The following RARB variants were observed in gnomAD, a reference collection of about 807,000 sequenced individuals.
RARB encodes retinoic acid receptor beta.
In RARB, 17 loss-of-function variants were observed where a neutral mutation model predicts 51.9. The observed-to-expected ratio is 0.33, with a 90% CI of 0.22 to 0.49. The LOEUF is 0.49. Among genes scored for constraint, RARB ranks in the 20% least tolerant of loss-of-function variants. The probability of loss-of-function intolerance (pLI) is 0.99; values close to 1 mark genes in which losing one functional copy is unlikely to be tolerated. For synonymous variants in RARB, 215 were observed against 195.4 expected, an observed-to-expected ratio of 1.10 and a Z score of -0.84; for missense variants, 369 against 550.8, an observed-to-expected ratio of 0.67 and a Z score of 3.30.
intron 2 of RARB, among the ~76,000 whole-genome samples, chr3:25,024,705 A>C (rs1445147232): frequency 6.6e-6 from 1 of 152,162 alleles, no homozygotes; most frequent in Non-Finnish European, 1.5e-5. Context: ...TAATCCCAGC[A>C]CTTTGGGAGG....
At chr3:24,925,035 T>A (rs917226210) in intron 2 of RARB, among the ~76,000 whole-genome samples, 6 of 152,104 alleles carry the variant, frequency 3.9e-5, no homozygotes, top group Admixed American at 3.3e-4. Flanking sequence ...CAATATTCTT[T>A]GGCACAAATG....
chr3:25,051,635 A>T (rs1030482741), intron 2 of RARB, among the ~76,000 whole-genome samples: 1 of 152,184 alleles, frequency 6.6e-6, no homozygotes, highest in Non-Finnish European at 1.5e-5. Flanking sequence ...ACTATTATTC[A>T]TTAGGAACAG....
chr3:25,283,000 C>T (rs542625069), intron 5 of RARB, among the ~76,000 whole-genome samples: 3 of 152,146 alleles, frequency 2.0e-5, no homozygotes, highest in South Asian at 2.1e-4. Context: ...TGTAAGAACA[C>T]GGAGGAGCGA....
intron 4 of RARB, among the ~76,000 whole-genome samples, chr3:25,158,868 G>A (rs1442088680): frequency 6.6e-6 from 1 of 152,086 alleles, no homozygotes; most frequent in Non-Finnish European, 1.5e-5. Context: ...TCAGAGTTCT[G>A]TATTGAACCC....
chr3:25,050,123 T>G (rs375276794), intron 2 of RARB, among the ~76,000 whole-genome samples: 60 of 152,318 alleles, frequency 3.9e-4, no homozygotes, highest in African/African-American at 1.4e-3. Flanking sequence ...CAAGCTTGTA[T>G]GAATGTGACA....
chr3:24,896,170 G>C (rs1703475598), intron 2 of RARB, among the ~76,000 whole-genome samples: 1 of 152,188 alleles, frequency 6.6e-6, no homozygotes, highest in Admixed American at 6.5e-5. Context: ...AAAATCCTTA[G>C]AGACAAAGTT....
chr3:25,156,249 A>G (rs1700372257), intron 4 of RARB, among the ~76,000 whole-genome samples: 1 of 152,176 alleles, frequency 6.6e-6, no homozygotes, highest in South Asian at 2.1e-4. Flanking sequence ...GACACTGGGG[A>G]CAAGGTAGCT....
Position 25,462,514 on chromosome 3 carries a change from C to T in RARB, c.306+1173C>T, listed in dbSNP as rs546684652. ...TTGTTAACATGTTGGAATAATGTTACAGGTACTCCATGGCATTTTATATTT... is the reference window on the plus strand; with the variant it reads ...TTGTTAACATGTTGGAATAATGTTATAGGTACTCCATGGCATTTTATATTT... On this transcript the variant is annotated intron_variant, in intron 2 of 7. Transcript: ENST00000330688. 2.0e-5 allele frequency: 3 copies of T among 152,356 alleles called. No homozygotes were observed. In the East Asian group the frequency reaches 5.8e-4, roughly 29 times the overall value. The allele number at this position is 152,356 out of a possible 1,614,324, so 9.4% of individuals were successfully genotyped here. A position where few individuals can be genotyped will look rare whatever the true frequency, so the allele number is the denominator to read the frequency against.
chr3:25,147,598 G>C (rs1700215434), intron 4 of RARB, among the ~76,000 whole-genome samples: 1 of 152,202 alleles, frequency 6.6e-6, no homozygotes, highest in South Asian at 2.1e-4. Flanking sequence ...TCTAGGATCA[G>C]GAAGATTTTC....
chr3:25,351,528 T>C (rs1358614948), intron 5 of RARB, among the ~76,000 whole-genome samples: 3 of 152,190 alleles, frequency 2.0e-5, no homozygotes, highest in African/African-American at 7.2e-5. Context: ...CTATTTCTTA[T>C]CATTTATGGA....
intron 2 of RARB, among the ~76,000 whole-genome samples, chr3:24,984,742 T>C (rs1696751001): frequency 7.4e-6 from 1 of 135,534 alleles, no homozygotes; most frequent in South Asian, 2.6e-4. Flanking sequence ...GTATTTTAGA[T>C]GTTATATGCA....
intron 4 of RARB, among the ~76,000 whole-genome samples, chr3:25,171,219 C>A (rs1575193858): frequency 6.6e-6 from 1 of 151,912 alleles, no homozygotes; most frequent in East Asian, 1.9e-4. Context: ...CTCCTGTTTG[C>A]CTTGCCTGAG....
At chr3:24,954,030 C>A (rs1363009334) in intron 2 of RARB, among the ~76,000 whole-genome samples, 1 of 152,020 alleles carries the variant, frequency 6.6e-6, no homozygotes, top group Admixed American at 6.6e-5. Flanking sequence ...TTGTTTCTTC[C>A]TTTCTCTCTT....
chr3:25,429,997 T>C (rs929802330), intron 1 of RARB, among the ~76,000 whole-genome samples: 1 of 152,234 alleles, frequency 6.6e-6, no homozygotes, highest in African/African-American at 2.4e-5. Flanking sequence ...TGGTGGCTTA[T>C]CTAAAGAGAG....
At chr3:24,927,406 G>T (rs1695343167) in intron 2 of RARB, among the ~76,000 whole-genome samples, 1 of 151,960 alleles carries the variant, frequency 6.6e-6, no homozygotes, top group Admixed American at 6.6e-5. Context: ...ATTTTGTAAG[G>T]CAATCCTGTA....
At chr3:24,832,628 A>AT (rs1559366440) in intron 1 of RARB, among the ~76,000 whole-genome samples, 897 of 88,434 alleles carry the variant, frequency 0.01, 34 homozygotes, top group East Asian at 0.054. Flanking sequence ...ATTGAGTCCC[A>AT]ATATATATAT....
At chr3:24,907,965 A>T (rs1169495208) in intron 2 of RARB, among the ~76,000 whole-genome samples, 2 of 152,108 alleles carry the variant, frequency 1.3e-5, no homozygotes, top group Non-Finnish European at 2.9e-5. Flanking sequence ...TCCCCCTGCA[A>T]TTCTAAATCT....
At chr3:24,948,653 G>C (rs918705331) in intron 2 of RARB, among the ~76,000 whole-genome samples, 3 of 152,168 alleles carry the variant, frequency 2.0e-5, no homozygotes, top group Non-Finnish European at 2.9e-5. Context: ...CGAATCTCAT[G>C]TCGAGATGTT....
intron 3 of RARB, among the ~76,000 whole-genome samples, chr3:25,566,412 T>A (rs1700498395): frequency 6.6e-6 from 1 of 152,166 alleles, no homozygotes; most frequent in Non-Finnish European, 1.5e-5. Flanking sequence ...GAAAGTAGCC[T>A]GAGGTTACAC....
Sources: allele counts gnomAD v4.1 joint callset (sites outside exome capture counted in the v4.1 genomes callset), GRCh38; gene constraint gnomAD v4.1.1; transcripts MANE v1.5; gene names NCBI Gene and HGNC (gene_info 2026-07-23, HGNC 2026-07-21).